The following FZD6 variants were observed in gnomAD, a reference collection of about 807,000 sequenced individuals.
FZD6 encodes frizzled-6.
In FZD6, 49 loss-of-function variants were observed where a neutral mutation model predicts 61.4. The observed-to-expected ratio is 0.80, with a 90% CI of 0.63 to 1.01. The LOEUF is 1.01. FZD6 is among the 50% of genes least tolerant of loss of function. The pLI, the probability that FZD6 is intolerant of heterozygous loss-of-function variation, is 0.00. For synonymous variants in FZD6, 265 were observed against 292.2 expected (o/e 0.91, Z 0.95); for missense variants, 724 against 848.2 (o/e 0.85, Z 1.82).
At chr8:103,304,297 C>A (rs1814267345) in intron 2 of FZD6, among the ~76,000 whole-genome samples, 2 of 152,198 alleles carry the variant, frequency 1.3e-5, no homozygotes, top group African/African-American at 4.8e-5. Context: ...CATTTATGGT[C>A]ATTTTTAATC....
intron 2 of FZD6, among the ~76,000 whole-genome samples, chr8:103,312,416 A>G (rs1449835850): frequency 6.6e-6 from 1 of 152,208 alleles, no homozygotes; most frequent in African/African-American, 2.4e-5. Flanking sequence ...AAGGTGAGTA[A>G]AAGGAACAGA....
intron 3 of FZD6, among the ~76,000 whole-genome samples, chr8:103,322,816 G>A (rs934772370): frequency 4.6e-5 from 7 of 152,162 alleles, no homozygotes; most frequent in East Asian, 3.9e-4. Flanking sequence ...GCTTAACCCT[G>A]CATCCTAGGA....
chr8:103,331,324 TTTTTTC>T lies in FZD6; in HGVS notation c.1953-12_1953-7del. On this transcript the variant is annotated splice_polypyrimidine_tract_variant and intron_variant, in intron 6 of 6. Coordinates refer to ENST00000358755, the MANE Select transcript of FZD6 (RefSeq NM_003506.4). ...GTTTGTGGATGTGTGTGTGTCAACTTTTTTTCTTTTATCTAGGATTAGTCCAAAGAG... is the reference window on the plus strand; with the variant it reads ...GTTTGTGGATGTGTGTGTGTCAACTTTTTTATCTAGGATTAGTCCAAAGAG... 1 of 1,598,778 alleles carries T rather than the reference TTTTTTC, an allele frequency of 6.3e-7. No individual in the cohort carries two copies. Among genetic ancestry groups the T allele is most frequent in the Non-Finnish European group, 8.6e-7 (1 of 1,165,996 alleles).
Position 103,318,599 on chromosome 8 carries a change from CCT to C in FZD6, c.191_192del (p.Leu64ArgfsTer10). 6.3e-7 allele frequency: 1 copy of C among 1,596,488 alleles called. No homozygotes were observed. The highest frequency in any genetic ancestry group is 8.6e-7 in the Non-Finnish European group (1 of 1,164,176). On this transcript the variant is annotated frameshift_variant, in exon 3 of 7. Coordinates refer to ENST00000358755, the MANE Select transcript of FZD6 (RefSeq NM_003506.4). LOFTEE classifies it high-confidence loss of function. Reference protein sequence around the residue: ...IAAVEMEHFLPLANLECSPNI... With the variant: ...IAAVEMEHFLXLANLECSPNI... ...TTGATGTCTTTAATAGCATTTTCTT[CCT>C]CTCGCAAATCTGGAATGTTCACCAA...
chr8:103,323,433 CT>C (rs11329397), intron 3 of FZD6, among the ~76,000 whole-genome samples: 73,560 of 145,126 alleles, frequency 0.51, 18,947 homozygotes, highest in African/African-American at 0.63. Flanking sequence ...ACCTCCAGTA[CT>C]TTTTTTTTTT....
At chr8:103,308,432 C>T (rs916710263) in intron 2 of FZD6, among the ~76,000 whole-genome samples, 3 of 152,120 alleles carry the variant, frequency 2.0e-5, no homozygotes, top group Admixed American at 6.5e-5. Context: ...ATCAATATAA[C>T]TTCTTACCTG....
chr8:103,310,557 G>A (rs1380182533), intron 2 of FZD6, among the ~76,000 whole-genome samples: 1 of 152,078 alleles, frequency 6.6e-6, no homozygotes, highest in East Asian at 1.9e-4. Flanking sequence ...GAGCCACCAT[G>A]CCCAGCCTAG....
intron 2 of FZD6, among the ~76,000 whole-genome samples, chr8:103,301,576 T>C (rs1216417349): frequency 6.6e-6 from 1 of 152,218 alleles, no homozygotes; most frequent in East Asian, 1.9e-4. Flanking sequence ...TTAAGGTTTT[T>C]GTTTTTTCTT....
At chr8:103,309,856 T>C (rs116594463) in intron 2 of FZD6, among the ~76,000 whole-genome samples, 155 of 152,318 alleles carry the variant, frequency 1.0e-3, no homozygotes, top group African/African-American at 3.4e-3. Flanking sequence ...TATTCTTTCC[T>C]CTTCAATTCG....
chr8:103,322,237 T>A (rs1814809882), intron 3 of FZD6, among the ~76,000 whole-genome samples: 1 of 152,108 alleles, frequency 6.6e-6, no homozygotes, highest in Non-Finnish European at 1.5e-5. Flanking sequence ...AGGTGAATGG[T>A]CTTTTTTGGA....
chr8:103,322,819 TCC>T (rs1814829465), intron 3 of FZD6, among the ~76,000 whole-genome samples: 1 of 152,192 alleles, frequency 6.6e-6, no homozygotes, highest in Non-Finnish European at 1.5e-5. Context: ...TAACCCTGCA[TCC>T]TAGGAAATCC....
At chr8:103,320,658 G>A (rs955393805) in intron 3 of FZD6, among the ~76,000 whole-genome samples, 3 of 152,062 alleles carry the variant, frequency 2.0e-5, no homozygotes, top group Admixed American at 1.3e-4. Context: ...GCTTGCAGAC[G>A]AAGGGCAGGA....
At chr8:103,312,747 A>G (rs569341297) in intron 2 of FZD6, among the ~76,000 whole-genome samples, 1 of 152,298 alleles carries the variant, frequency 6.6e-6, no homozygotes, top group South Asian at 2.1e-4. Flanking sequence ...CTGACTACCC[A>G]TTATTTAAAG....
rs763249133 is a variant in FZD6, at chr8:103,331,422, C to A, written c.2034C>A (p.Ser678Arg). ...NLQVPSSSEP[S>R]SLKGSTSLLV... is the part of the protein sequence containing the mutation. Reference sequence around the variant, plus strand: ...AGGTCCCCAGTTCTTCAGAACCAAGCAGCCTCAAAGGTTCCACATCTCTGC... The same window carrying A: ...AGGTCCCCAGTTCTTCAGAACCAAGAAGCCTCAAAGGTTCCACATCTCTGC... The change falls in exon 7 of 7, where the codon AGC (serine) becomes AGA (arginine). Residue 678 changes from serine (S) to arginine (R), a missense_variant. Physicochemically the swap from Ser to Arg is moderately radical, Grantham distance 110. Coordinates refer to ENST00000358755, the MANE Select transcript of FZD6 (RefSeq NM_003506.4). 5.0e-6 allele frequency: 8 copies of A among 1,609,136 alleles called. No individual in the cohort carries two copies. The highest frequency in any genetic ancestry group is 6.0e-6 in the Non-Finnish European group (7 of 1,175,522).
chr8:103,318,952 C>CA (rs1370853867), intron 3 of FZD6, among the ~76,000 whole-genome samples, 166 bp downstream of exon 3: 10 of 152,088 alleles, frequency 6.6e-5, no homozygotes, highest in Middle Eastern at 3.4e-3. Flanking sequence ...CAAAGGTGGG[C>CA]AAAAAACAGA....
intron 2 of FZD6, among the ~76,000 whole-genome samples, chr8:103,303,266 G>C (rs928750816): frequency 3.9e-5 from 6 of 152,068 alleles, no homozygotes; most frequent in East Asian, 1.9e-4. Flanking sequence ...CATCACCTCT[G>C]TATCTTTACA....
Position 103,331,475 on chromosome 8 carries a change from A to G in FZD6, c.2087A>G (p.Lys696Arg). ...GTTCACCCGGTTTCAGGAGTGAGAA[A>G]AGAGCAGGGAGGTGGTTGTCATTCA... is the stretch of plus-strand genomic sequence containing the variant. The part of the protein sequence containing the change: ...LLVHPVSGVR[K>R]EQGGGCHSDT Residue 696 changes from lysine (K) to arginine (R), a missense_variant, in exon 7 of 7, where the codon AAA (lysine) becomes AGA (arginine). Physicochemically the swap from Lys to Arg is conservative, Grantham distance 26 (BLOSUM62 2). Coordinates refer to ENST00000358755, the MANE Select transcript of FZD6 (RefSeq NM_003506.4). 1 of 1,612,724 alleles carries G rather than the reference A, an allele frequency of 6.2e-7. No individual in the cohort carries two copies.
At chr8:103,302,273 T>G (rs752376211) in intron 2 of FZD6, among the ~76,000 whole-genome samples, 27 of 152,198 alleles carry the variant, frequency 1.8e-4, no homozygotes, top group Non-Finnish European at 3.2e-4. Context: ...TACAGTAGTA[T>G]TCTCTTTTAG....
intron 2 of FZD6, among the ~76,000 whole-genome samples, chr8:103,305,258 C>T (rs957856964): frequency 6.6e-6 from 1 of 152,110 alleles, no homozygotes; most frequent in African/African-American, 2.4e-5. Context: ...AGCCAGGTCA[C>T]GTATTGTGTT....
Sources: gnomAD v4.1 joint callset for allele counts (sites outside exome capture counted in the v4.1 genomes callset) on GRCh38, gnomAD v4.1.1 for gene constraint, MANE v1.5 for transcripts, NCBI Gene and HGNC (gene_info 2026-07-23, HGNC 2026-07-21) for gene names.